The following PCDHA1 variants were observed in gnomAD, a reference collection of about 807,000 sequenced individuals.
The protein encoded by PCDHA1 is protocadherin alpha-1.
In PCDHA1, 42 loss-of-function variants were observed where a neutral mutation model predicts 61.3. The ratio of observed to expected loss-of-function variants is 0.69; its 90% CI spans 0.54 to 0.89. The LOEUF is 0.89. PCDHA1 is among the 40% of genes least tolerant of loss of function. The probability of loss-of-function intolerance (pLI) is 0.00; values close to 1 mark genes in which losing one functional copy is unlikely to be tolerated. For missense variants in PCDHA1, 1,256 were observed against 1,235.3 expected, an observed-to-expected ratio of 1.02 and a Z score of -0.25; for synonymous variants, 610 against 553.8, an observed-to-expected ratio of 1.10 and a Z score of -1.43.
chr5:140,998,003 T>C (rs2097793100), intron 3 of PCDHA1, among the ~76,000 whole-genome samples: 1 of 152,134 alleles, frequency 6.6e-6, no homozygotes, highest in Admixed American at 6.6e-5. Context: ...CCTCTGAGCC[T>C]TCCATCCCCA....
At chr5:140,842,048 G>A (rs2150328015) in intron 1 of PCDHA1, 1 of 1,613,798 alleles carries the variant, frequency 6.2e-7, no homozygotes. Context: ...TCCCACTTTC[G>A]AACAGTCTGA....
chr5:140,823,298 C>T (rs2150124408), intron 1 of PCDHA1: 1 of 1,612,332 alleles, frequency 6.2e-7, no homozygotes, highest in Non-Finnish European at 8.5e-7. Flanking sequence ...AGTTACGTTT[C>T]GGTGCACGCG....
chr5:140,796,302 C>G (rs782602329), intron 1 of PCDHA1: 111 of 1,614,028 alleles, frequency 6.9e-5, no homozygotes, highest in Non-Finnish European at 9.4e-5. Flanking sequence ...TCGAGGTGGC[C>G]GACGTGAACG....
intron 1 of PCDHA1, chr5:140,869,738 T>C (rs1454972321): frequency 1.2e-6 from 2 of 1,613,348 alleles, no homozygotes; most frequent in Non-Finnish European, 8.5e-7. Flanking sequence ...AATTTGCTGC[T>C]AACAGCTACA....
chr5:140,926,936 G>A, intron 1 of PCDHA1: 1 of 1,580,648 alleles, frequency 6.3e-7, no homozygotes, highest in Non-Finnish European at 8.6e-7. Context: ...TGGGTTTCCT[G>A]CGGCGCTGCA....
intron 1 of PCDHA1, among the ~76,000 whole-genome samples, chr5:140,943,064 C>T (rs1352675515): frequency 1.3e-5 from 2 of 151,818 alleles, no homozygotes; most frequent in African/African-American, 4.8e-5. Context: ...CAAGAACAGC[C>T]TGACCAACAT....
intron 3 of PCDHA1, among the ~76,000 whole-genome samples, chr5:140,987,383 G>A (rs2097252098): frequency 6.6e-6 from 1 of 152,138 alleles, no homozygotes; most frequent in Admixed American, 6.5e-5. Flanking sequence ...GGGTCAGAAT[G>A]CATGCAAGGA....
intron 1 of PCDHA1, among the ~76,000 whole-genome samples, chr5:140,950,426 AC>A (rs386419652): frequency 1.3e-5 from 2 of 151,870 alleles, no homozygotes; most frequent in Admixed American, 6.6e-5. Flanking sequence ...ATTTTCTTCC[AC>A]TTAAAAAAAA....
intron 1 of PCDHA1, among the ~76,000 whole-genome samples, chr5:140,922,896 A>C (rs551056851): frequency 1.6e-3 from 238 of 152,336 alleles, no homozygotes; most frequent in Non-Finnish European, 2.0e-3. Context: ...TTCAAGAAAA[A>C]ATTTTGAGAT....
chr5:140,841,175 A>C, intron 1 of PCDHA1: 2 of 1,071,562 alleles, frequency 1.9e-6, no homozygotes, highest in Non-Finnish European at 2.7e-6. Context: ...CTGGTTGGTC[A>C]ATGTTCAAAG....
Position 140,938,882 on chromosome 5 carries a change from C to T in PCDHA1, c.2395-40067C>T, listed in dbSNP as rs529115064. On this transcript the variant is annotated intron_variant, in intron 1 of 3. Transcript: ENST00000504120. ...AACTTAAAAGTTAAGAAGCAACACA[C>T]ACACACACAGATGCGCACACACACA... is the stretch of plus-strand genomic sequence containing the variant. Among the ~76,000 whole-genome samples the T allele has an allele frequency of 3.3e-5, 5 of 152,218 alleles. No individual in the cohort carries two copies. The South Asian group carries it at 1.0e-3, about 32-fold the overall frequency.
chr5:140,852,637 A>G (rs2150521055), intron 1 of PCDHA1: 1 of 959,312 alleles, frequency 1.0e-6, no homozygotes, highest in Non-Finnish European at 1.3e-6. Flanking sequence ...AGCTCCTGTC[A>G]TTAAACCTAT....
At chr5:140,796,518 C>T (rs1169490682) in intron 1 of PCDHA1, 1 of 1,612,428 alleles carries the variant, frequency 6.2e-7, no homozygotes, top group Middle Eastern at 2.0e-4. Context: ...GCAAGGTGTA[C>T]GCGCTGCAGC....
intron 1 of PCDHA1, chr5:140,849,848 C>T (rs1554143388): frequency 6.3e-6 from 10 of 1,598,544 alleles, no homozygotes; most frequent in African/African-American, 4.0e-5. Context: ...TGAACGACAA[C>T]GCACCAGCGT....
chr5:140,835,847 G>A (rs140727991), intron 1 of PCDHA1: 20 of 1,612,228 alleles, frequency 1.2e-5, no homozygotes, highest in Non-Finnish European at 1.7e-5. Flanking sequence ...AGAAGAACGC[G>A]CTGGTGTCCT....
chr5:140,852,533 C>G (rs2150517773), intron 1 of PCDHA1: 2 of 491,290 alleles, frequency 4.1e-6, no homozygotes, highest in East Asian at 2.9e-4. Context: ...ACCTCGGCCT[C>G]CCAAAGTGCT....
chr5:140,817,912 G>T (rs1554127355), intron 1 of PCDHA1, among the ~76,000 whole-genome samples: 2 of 152,064 alleles, frequency 1.3e-5, no homozygotes, highest in Non-Finnish European at 1.5e-5. Flanking sequence ...GACATTCCAT[G>T]GTCTTCTTTT....
chr5:140,808,362 A>G, intron 1 of PCDHA1: 1 of 1,614,180 alleles, frequency 6.2e-7, no homozygotes, highest in Non-Finnish European at 8.5e-7. Context: ...TTGACGTCCC[A>G]CGTCCCCTTC....
intron 1 of PCDHA1, among the ~76,000 whole-genome samples, chr5:140,789,699 C>G (rs79693309): frequency 6.6e-6 from 1 of 152,162 alleles, no homozygotes; most frequent in African/African-American, 2.4e-5. Context: ...CATTCACTCA[C>G]AAATGTTCTA....
Sources: gnomAD v4.1 joint callset for allele counts (sites outside exome capture counted in the v4.1 genomes callset) on GRCh38, gnomAD v4.1.1 for gene constraint, MANE v1.5 for transcripts, NCBI Gene and HGNC (gene_info 2026-07-23, HGNC 2026-07-21) for gene names.